The following RIPOR3 variants were observed in gnomAD, a reference collection of about 807,000 sequenced individuals.
RIPOR3 encodes the protein family with sequence similarity 65 member C.
In RIPOR3, 95 loss-of-function variants were observed where a neutral mutation model predicts 114.3. The observed-to-expected ratio is 0.83, with a 90% CI of 0.70 to 0.99. RIPOR3 has a LOEUF of 0.99. RIPOR3 is among the 50% of genes least tolerant of loss of function. RIPOR3 has a pLI of 0.00. For missense variants in RIPOR3, 1,252 were observed against 1,266.9 expected (o/e 0.99, Z 0.18); for synonymous variants, 575 against 543.8 (o/e 1.06, Z -0.80).
At position 50,595,366 on chromosome 20, in the gene RIPOR3, T is replaced by C. The variant is rs1374646386; in HGVS notation, c.2050+3A>G. The C allele has an allele frequency of 1.1e-5, 17 of 1,612,852 alleles. No homozygotes were observed. The highest frequency in any genetic ancestry group is 1.4e-5 in the Non-Finnish European group (16 of 1,179,152). On this transcript the variant is annotated splice_donor_region_variant and intron_variant, in intron 16 of 21. Transcript: ENST00000327979. ...AGCCCCTGGGTGGCAGGCAGCTACTTACTCTCTTCAATGGATGTTGCCTTG... is the reference window on the plus strand; with the variant it reads ...AGCCCCTGGGTGGCAGGCAGCTACTCACTCTCTTCAATGGATGTTGCCTTG...
At chr20:50,610,788 C>T (rs2083947867) in intron 6 of RIPOR3, 65 bp downstream of exon 6, 2 of 1,608,244 alleles carry the variant, frequency 1.2e-6, no homozygotes, top group Non-Finnish European at 8.5e-7. Flanking sequence ...TCCTGCTAAC[C>T]TAGCTGAGGC....
At chr20:50,681,325 T>A (rs1384500008) in intron 1 of RIPOR3, among the ~76,000 whole-genome samples, 2 of 151,814 alleles carry the variant, frequency 1.3e-5, no homozygotes, top group South Asian at 2.1e-4. Flanking sequence ...CTCTTTTTAT[T>A]TTAGAGAAAT....
At chr20:50,674,465 T>C (rs1431676616) in intron 1 of RIPOR3, among the ~76,000 whole-genome samples, 1 of 151,384 alleles carries the variant, frequency 6.6e-6, no homozygotes, top group African/African-American at 2.4e-5. Context: ...GTAAGAGGAG[T>C]ATTAGTAATA....
Position 50,614,236 on chromosome 20 carries a change from A to G in RIPOR3, c.348+1766T>C, listed in dbSNP as rs577356347. ...TTTTTAGTACAGATGGGGTTTCACC[A>G]TGTTGGCCAGGCTGGTCTCAAACTC... On this transcript the variant is annotated intron_variant, in intron 4 of 21. Transcript: ENST00000327979. Among the ~76,000 whole-genome samples, 4 of 152,222 alleles carry G rather than the reference A, an allele frequency of 2.6e-5. No homozygotes were observed. In the East Asian group the frequency reaches 5.8e-4, roughly 22 times the overall value.
intron 12 of RIPOR3, among the ~76,000 whole-genome samples, chr20:50,603,593 T>C (rs566019429): frequency 6.6e-6 from 1 of 152,216 alleles, no homozygotes; most frequent in Non-Finnish European, 1.5e-5. Context: ...AAACACACCA[T>C]AGAAACAGCA....
At chr20:50,619,186 C>T (rs112485941) in intron 3 of RIPOR3, among the ~76,000 whole-genome samples, 42 of 151,950 alleles carry the variant, frequency 2.8e-4, no homozygotes, top group African/African-American at 8.7e-4. Flanking sequence ...CAGTGGCTCA[C>T]GCTTGAACCC....
At chr20:50,664,859 TG>T (rs1450681878) in intron 1 of RIPOR3, among the ~76,000 whole-genome samples, 1 of 152,098 alleles carries the variant, frequency 6.6e-6, no homozygotes, top group Non-Finnish European at 1.5e-5. Flanking sequence ...CCCAACACTT[TG>T]GGAGGCCGGG....
At chr20:50,594,458 G>A (rs1040679762) in intron 17 of RIPOR3, 95 bp downstream of exon 17, 4 of 1,410,144 alleles carry the variant, frequency 2.8e-6, no homozygotes, top group South Asian at 2.6e-5. Flanking sequence ...GTGAAGACAG[G>A]GCTGAAATGA....
chr20:50,625,189 G>A (rs915696920), intron 2 of RIPOR3, among the ~76,000 whole-genome samples: 2 of 152,024 alleles, frequency 1.3e-5, no homozygotes, highest in Non-Finnish European at 2.9e-5. Flanking sequence ...TCCCACCTCA[G>A]CCTCCTGAGT....
chr20:50,608,344 G>T (rs752958949), intron 11 of RIPOR3, 45 bp downstream of exon 11: 38 of 1,609,682 alleles, frequency 2.4e-5, no homozygotes, highest in Non-Finnish European at 3.1e-5. Flanking sequence ...GCCACCAGGG[G>T]CAGCCAGCCA....
chr20:50,691,220 C>T lies in RIPOR3; in HGVS notation c.-92G>A, dbSNP rs1043708100. ...GCCGCCAGCAAGCGTCTGCTCCCAT[C>T]TGGCCCGGGACTCCCGGACTCGAGC... On this transcript the variant is annotated 5_prime_UTR_variant, in exon 1 of 22. Transcript: ENST00000327979. 3 of 1,286,920 alleles carry T rather than the reference C, an allele frequency of 2.3e-6. No individual in the cohort carries two copies. Among genetic ancestry groups the T allele is most frequent in the African/African-American group, 3.0e-5 (2 of 65,848 alleles). 79.7% of individuals were successfully genotyped at this position (1,286,920 alleles called of 1,614,324 possible). A position where few individuals can be genotyped will look rare whatever the true frequency, so the allele number is the denominator to read the frequency against.
rs186910042 is a variant in RIPOR3, at chr20:50,664,438, G to A, written c.3+26688C>T. 4.0e-3 allele frequency among the ~76,000 whole-genome samples: 615 copies of A among 152,234 alleles called. 2 individuals carry two copies. Among genetic ancestry groups the A allele is most frequent in the Non-Finnish European group, 7.6e-3 (519 of 68,016 alleles). On this transcript the variant is annotated intron_variant, in intron 1 of 21. Coordinates refer to ENST00000327979, the MANE Select transcript of RIPOR3 (RefSeq NM_001290268.2). Reference sequence around the variant, plus strand: ...GCACTGTTGGCTTTGCTCTGACCTCGAGTCTATTTCTTTTCCATGTGTGTG... The same window carrying A: ...GCACTGTTGGCTTTGCTCTGACCTCAAGTCTATTTCTTTTCCATGTGTGTG...
intron 1 of RIPOR3, among the ~76,000 whole-genome samples, chr20:50,650,814 C>G (rs1160156897): frequency 1.3e-5 from 2 of 152,152 alleles, no homozygotes; most frequent in African/African-American, 2.4e-5. Flanking sequence ...CGCTCGACTT[C>G]TCTAACCCGT....
intron 21 of RIPOR3, 112 bp from the exon 22 acceptor site, chr20:50,587,444 C>T: frequency 1.1e-6 from 1 of 883,006 alleles, no homozygotes; most frequent in Non-Finnish European, 1.8e-6. Flanking sequence ...GTGGTCTCTG[C>T]AAAGCGGCAG....
chr20:50,611,009 G>GCTTAGTGCCGGGCCGA (rs2123080840), intron 5 of RIPOR3, 103 bp from the exon 6 acceptor site: 2 of 1,545,314 alleles, frequency 1.3e-6, no homozygotes, highest in Non-Finnish European at 1.8e-6. Context: ...AGAGAATGGG[G>GCTTAGTGCCGGGCCGA]CCCCTCACCA....
Position 50,596,158 on chromosome 20 carries a change from G to A in RIPOR3, c.1896C>T (p.Val632=), listed in dbSNP as rs769107803. 1.9e-6 allele frequency: 3 copies of A among 1,614,092 alleles called. No individual in the cohort carries two copies. The African/African-American group carries it at 4.0e-5, about 22-fold the overall frequency. The change falls in exon 15 of 22, where the codon GTC becomes GTT. Residue 632 remains valine (V), a synonymous_variant. Transcript: ENST00000327979. ...LDVLLMVHLQ[V]CKALLQKLAS... ...CAGCCACCTGCAGCAGAGCTTTGCAGACTTGGAGGTGTACCATCAGCAGCA... is the reference window on the plus strand; with the variant it reads ...CAGCCACCTGCAGCAGAGCTTTGCAAACTTGGAGGTGTACCATCAGCAGCA...
At position 50,594,528 on chromosome 20, in the gene RIPOR3, GACGACAGGACAGAAGGGA is replaced by G. The variant is rs1486716017; in HGVS notation, c.2212+7_2212+24del. ...TCAATACAGCCTTTCTGTGGGAGGG[GACGACAGGACAGAAGGGA>G]ACCCACCTATTTCCAGCTGTCCTGG... On this transcript the variant is annotated splice_region_variant and intron_variant, in intron 17 of 21. Coordinates refer to ENST00000327979, the MANE Select transcript of RIPOR3 (RefSeq NM_001290268.2). The G allele has an allele frequency of 2.5e-6, 4 of 1,602,188 alleles. No homozygotes were observed. The Admixed American group carries it at 6.7e-5, about 27-fold the overall frequency.
chr20:50,608,387 A>C lies in RIPOR3; in HGVS notation c.956+2T>G. 4 of 1,613,806 alleles carry C rather than the reference A, an allele frequency of 2.5e-6. No homozygotes were observed. Among genetic ancestry groups the C allele is most frequent in the Non-Finnish European group, 3.4e-6 (4 of 1,179,860 alleles). On this transcript the variant is annotated splice_donor_variant, in intron 11 of 21. Coordinates refer to ENST00000327979, the MANE Select transcript of RIPOR3 (RefSeq NM_001290268.2). LOFTEE classifies it high-confidence loss of function. ...GCTCTCCCCAGGCTGGACGGGACTC[A>C]CTTCCACTGCACCTCCAGCTGCAGC...
intron 3 of RIPOR3, among the ~76,000 whole-genome samples, chr20:50,618,266 G>T (rs1298670610): frequency 1.1e-5 from 1 of 87,166 alleles, no homozygotes; most frequent in Non-Finnish European, 1.8e-5. Context: ...GTGAGACTCC[G>T]TCTCAAAAAA....
Sources: gnomAD v4.1 joint callset for allele counts (sites outside exome capture counted in the v4.1 genomes callset) on GRCh38, gnomAD v4.1.1 for gene constraint, MANE v1.5 for transcripts, NCBI Gene and HGNC (gene_info 2026-07-23, HGNC 2026-07-21) for gene names.